MCPH1: variants seen among roughly 807,000 people sequenced by gnomAD.
MCPH1 encodes the protein microcephalin.
MCPH1 carries 104 observed loss-of-function variants against 84.5 expected under a neutral mutation model. That is an observed-to-expected ratio of 1.23 (90% CI 1.05 to 1.45). MCPH1 has a LOEUF of 1.45. Ranked by LOEUF, MCPH1 falls within the 40% of genes most tolerant of loss-of-function variation. MCPH1 has a pLI of 0.00. For missense variants in MCPH1, 1,498 were observed against 1,005.7 expected (o/e 1.49, Z -6.62); for synonymous variants, 514 against 366.8 (o/e 1.40, Z -4.58).
intron 12 of MCPH1, among the ~76,000 whole-genome samples, chr8:6,522,714 C>A (rs112406452): frequency 0.074 from 11,180 of 150,914 alleles, 493 homozygotes; most frequent in African/African-American, 0.12. Context: ...GTGGAGGTTG[C>A]AGTGAGCTGA....
intron 8 of MCPH1, among the ~76,000 whole-genome samples, chr8:6,449,508 C>T (rs529620793): frequency 6.6e-6 from 1 of 152,180 alleles, no homozygotes; most frequent in African/African-American, 2.4e-5. Context: ...TGGCACATGC[C>T]TATAATCTCA....
chr8:6,522,028 C>T (rs1413769047), intron 12 of MCPH1, among the ~76,000 whole-genome samples: 1 of 152,144 alleles, frequency 6.6e-6, no homozygotes, highest in African/African-American at 2.4e-5. Flanking sequence ...TCACCTAGGT[C>T]ATGGGGTTGG....
intron 13 of MCPH1, among the ~76,000 whole-genome samples, chr8:6,624,140 G>C (rs972744824): frequency 1.3e-5 from 2 of 152,196 alleles, no homozygotes; most frequent in African/African-American, 4.8e-5. Context: ...CCCGCCCGTG[G>C]GTTTTCAGGA....
intron 10 of MCPH1, among the ~76,000 whole-genome samples, chr8:6,478,170 C>A (rs989826537): frequency 6.6e-6 from 1 of 152,240 alleles, no homozygotes; most frequent in South Asian, 2.1e-4. Context: ...TGATATCAAT[C>A]ATAGGTTTTA....
At chr8:6,483,151 A>G (rs962378813) in intron 11 of MCPH1, among the ~76,000 whole-genome samples, 1 of 152,242 alleles carries the variant, frequency 6.6e-6, no homozygotes, top group Admixed American at 6.5e-5. Flanking sequence ...GCTGAAAACT[A>G]CAAAATACTG....
rs143947636 is a variant in MCPH1 at position 6,590,223 on chromosome 8, G to T, written c.2215-31231G>T. ...TGAACAACAAAAAAAAAAAAATACA[G>T]ATCCAACTATGTAATCATTACACAT... On this transcript the variant is annotated intron_variant, in intron 12 of 13. Transcript: ENST00000344683. Among the ~76,000 whole-genome samples, 4 of 151,320 alleles carry T rather than the reference G, an allele frequency of 2.6e-5. No homozygotes were observed. In the East Asian group the frequency reaches 7.7e-4, roughly 29 times the overall value.
intron 3 of MCPH1, among the ~76,000 whole-genome samples, chr8:6,416,208 A>C (rs954875866): frequency 2.6e-5 from 4 of 152,202 alleles, no homozygotes; most frequent in Non-Finnish European, 5.9e-5. Context: ...CATTTTCTAT[A>C]TGCAATGTTG....
chr8:6,595,130 G>A (rs1025153500), intron 12 of MCPH1, among the ~76,000 whole-genome samples: 4 of 152,198 alleles, frequency 2.6e-5, no homozygotes, highest in African/African-American at 7.2e-5. Context: ...CAGTAAAACA[G>A]AGATGATTGA....
intron 12 of MCPH1, among the ~76,000 whole-genome samples, chr8:6,579,889 C>G (rs550907879): frequency 6.6e-6 from 1 of 152,132 alleles, no homozygotes; most frequent in Admixed American, 6.5e-5. Flanking sequence ...TCACACTGCC[C>G]ACACAGAACT....
At chr8:6,510,094 A>T (rs1814704724) in intron 12 of MCPH1, among the ~76,000 whole-genome samples, 1 of 152,208 alleles carries the variant, frequency 6.6e-6, no homozygotes, top group Non-Finnish European at 1.5e-5. Context: ...TACATCGGTC[A>T]TCTGTGTACC....
At chr8:6,630,790 A>C (rs1336905273) in intron 13 of MCPH1, among the ~76,000 whole-genome samples, 7 of 131,434 alleles carry the variant, frequency 5.3e-5, no homozygotes, top group South Asian at 5.2e-4. Context: ...CTAAAAAAAA[A>C]AAACAAAAAA....
intron 2 of MCPH1, among the ~76,000 whole-genome samples, chr8:6,413,132 C>A (rs187351903): frequency 6.6e-6 from 1 of 152,098 alleles, no homozygotes; most frequent in African/African-American, 2.4e-5. Context: ...CTGAGCATGC[C>A]TTTATTATAC....
At chr8:6,578,719 G>A (rs1827310593) in intron 12 of MCPH1, among the ~76,000 whole-genome samples, 1 of 152,164 alleles carries the variant, frequency 6.6e-6, no homozygotes, top group African/African-American at 2.4e-5. Flanking sequence ...ACAAACACAG[G>A]CTCATTACAG....
At chr8:6,498,149 A>G (rs1168321960) in intron 11 of MCPH1, among the ~76,000 whole-genome samples, 1 of 152,238 alleles carries the variant, frequency 6.6e-6, no homozygotes, top group South Asian at 2.1e-4. Context: ...AAAAAACACT[A>G]TTTTCATTAT....
chr8:6,407,541 G>C lies in MCPH1; in HGVS notation c.22+852G>C, dbSNP rs1585538089. Among the ~76,000 whole-genome samples, 6 of 152,252 alleles carry C rather than the reference G, an allele frequency of 3.9e-5. No individual in the cohort carries two copies. In the South Asian group the frequency reaches 1.2e-3, roughly 32 times the overall value. Reference sequence around the variant, plus strand: ...GAATAGCGGACACGTGTCTTGTAGAGTTTGACCGTGAGAAAAAAGGGGCCT... The same window carrying C: ...GAATAGCGGACACGTGTCTTGTAGACTTTGACCGTGAGAAAAAAGGGGCCT... On this transcript the variant is annotated intron_variant, in intron 1 of 13. Transcript: ENST00000344683.
chr8:6,617,686 T>G (rs1830950863), intron 12 of MCPH1, among the ~76,000 whole-genome samples: 2 of 152,068 alleles, frequency 1.3e-5, no homozygotes, highest in South Asian at 4.1e-4. Context: ...TGGGGAGTTG[T>G]ATTGTTTTGA....
intron 12 of MCPH1, chr8:6,514,872 C>T (rs1212266423): frequency 9.4e-6 from 10 of 1,061,054 alleles, no homozygotes; most frequent in Admixed American, 1.9e-5. Context: ...GAGTGCAGGA[C>T]TCAGCCGAGA....
chr8:6,501,319 CTG>C (rs2129562877), intron 12 of MCPH1: 1 of 152,270 alleles, frequency 6.6e-6, no homozygotes, highest in East Asian at 1.9e-4. Flanking sequence ...TGGTAGAACA[CTG>C]TAAGGTGAAG....
At chr8:6,458,202 G>A (rs1347703830) in intron 9 of MCPH1, among the ~76,000 whole-genome samples, 1 of 152,166 alleles carries the variant, frequency 6.6e-6, no homozygotes, top group Non-Finnish European at 1.5e-5. Context: ...GCTGGGTGCG[G>A]TGGCTCACAC....
Sources: allele counts gnomAD v4.1 joint callset (sites outside exome capture counted in the v4.1 genomes callset), GRCh38; gene constraint gnomAD v4.1.1; transcripts MANE v1.5; gene names NCBI Gene and HGNC (gene_info 2026-07-23, HGNC 2026-07-21).